Variants in ZNF385D observed in about 807,000 individuals in gnomAD.
ZNF385D encodes the protein zinc finger protein 385D, also known as zinc finger protein 659.
ZNF385D carries 15 observed loss-of-function variants against 35.8 expected under a neutral mutation model. That is an observed-to-expected ratio of 0.42 (90% CI 0.28 to 0.64). The LOEUF (loss-of-function observed/expected upper bound fraction) is 0.64, where lower values mean the gene tolerates loss of function less well. Among genes scored for constraint, ZNF385D ranks in the 30% least tolerant of loss-of-function variants. The probability of loss-of-function intolerance (pLI) is 0.23; values close to 1 mark genes in which losing one functional copy is unlikely to be tolerated. For synonymous variants in ZNF385D, 212 were observed against 186.8 expected (o/e 1.13, Z -1.10); for missense variants, 474 against 494.6 (o/e 0.96, Z 0.39).
intron 3 of ZNF385D, among the ~76,000 whole-genome samples, chr3:22,071,222 A>C (rs1344484669): frequency 1.3e-5 from 2 of 152,168 alleles, no homozygotes; most frequent in Admixed American, 6.6e-5. Context: ...TTTGACATAC[A>C]AATAATATCC....
chr3:21,980,423 C>G (rs778538777), intron 3 of ZNF385D, among the ~76,000 whole-genome samples: 10 of 151,890 alleles, frequency 6.6e-5, no homozygotes, highest in Admixed American at 5.9e-4. Flanking sequence ...AATAATGCAA[C>G]GTAATAATGT....
At chr3:21,482,471 T>C (rs1462087340) in intron 4 of ZNF385D, among the ~76,000 whole-genome samples, 4 of 152,174 alleles carry the variant, frequency 2.6e-5, no homozygotes, top group African/African-American at 9.6e-5. Context: ...GAGGCAACCA[T>C]TCCCTAAGTC....
At chr3:21,582,922 C>T (rs2063709370) in intron 2 of ZNF385D, among the ~76,000 whole-genome samples, 1 of 152,076 alleles carries the variant, frequency 6.6e-6, no homozygotes, top group Non-Finnish European at 1.5e-5. Context: ...GGGTTATAGG[C>T]ACACACCACC....
intron 2 of ZNF385D, among the ~76,000 whole-genome samples, chr3:22,185,627 C>T (rs1695578401): frequency 1.3e-5 from 2 of 152,122 alleles, no homozygotes; most frequent in African/African-American, 4.8e-5. Context: ...GCCACCACAC[C>T]CAGCTAATTT....
At chr3:21,928,052 G>A (rs1299454153) in intron 3 of ZNF385D, among the ~76,000 whole-genome samples, 5 of 151,856 alleles carry the variant, frequency 3.3e-5, no homozygotes, top group Admixed American at 1.3e-4. Flanking sequence ...AGCAAGACTC[G>A]ATAAATATTA....
At chr3:22,047,450 T>C (rs778168014) in intron 3 of ZNF385D, among the ~76,000 whole-genome samples, 12 of 152,114 alleles carry the variant, frequency 7.9e-5, no homozygotes, top group Admixed American at 1.3e-4. Flanking sequence ...TTTCTGCTTC[T>C]GTGAGTTAAA....
intron 3 of ZNF385D, among the ~76,000 whole-genome samples, chr3:21,831,719 A>G (rs960286938): frequency 1.3e-5 from 2 of 152,194 alleles, no homozygotes; most frequent in African/African-American, 2.4e-5. Flanking sequence ...TCTATTGGAT[A>G]TAAACATTCA....
intron 3 of ZNF385D, among the ~76,000 whole-genome samples, chr3:21,829,334 A>G (rs62236487): frequency 0.2 from 30,270 of 152,058 alleles, 3,363 homozygotes; most frequent in Middle Eastern, 0.34. Flanking sequence ...AAATAATGAG[A>G]AGGAGGCAAA....
intron 4 of ZNF385D, chr3:21,443,084 G>A (rs372853229): frequency 2.1e-6 from 2 of 964,842 alleles, no homozygotes; most frequent in Non-Finnish European, 2.5e-6. Flanking sequence ...TGGTATAGCT[G>A]TAGAAAGTGC....
intron 3 of ZNF385D, among the ~76,000 whole-genome samples, chr3:21,869,811 T>A (rs1392804818): frequency 6.6e-6 from 1 of 152,106 alleles, no homozygotes; most frequent in African/African-American, 2.4e-5. Context: ...TAAGATAGCA[T>A]TTAAATAAGC....
chr3:22,336,229 C>T (rs1012118099), intron 2 of ZNF385D, among the ~76,000 whole-genome samples: 1 of 151,962 alleles, frequency 6.6e-6, no homozygotes, highest in African/African-American at 2.4e-5. Context: ...TAAACAAAGC[C>T]GCATTCCATT....
intron 2 of ZNF385D, among the ~76,000 whole-genome samples, chr3:22,257,664 A>T (rs1372875616): frequency 6.6e-6 from 1 of 151,860 alleles, no homozygotes; most frequent in African/African-American, 2.4e-5. Context: ...AGGATGTGAG[A>T]ATGGTGTGTT....
In ZNF385D at chr3:22,093,306, G is replaced by C. The variant is rs746073141; in HGVS notation, c.325+75511C>G. Reference sequence around the variant, plus strand: ...GAAGGTATAGGCTTTTAATATATGCGCATTGACCTAGACATTTAACTACAT... The same window carrying C: ...GAAGGTATAGGCTTTTAATATATGCCCATTGACCTAGACATTTAACTACAT... On this transcript the variant is annotated intron_variant, in intron 3 of 5. Coordinates refer to the ZNF385D transcript ENST00000494108. 2.0e-5 allele frequency among the ~76,000 whole-genome samples: 3 copies of C among 151,530 alleles called. No homozygotes were observed. The South Asian group carries it at 6.3e-4, about 32-fold the overall frequency.
intron 3 of ZNF385D, among the ~76,000 whole-genome samples, chr3:21,864,591 G>T (rs1195501753): frequency 6.6e-6 from 1 of 152,030 alleles, no homozygotes; most frequent in Non-Finnish European, 1.5e-5. Flanking sequence ...TTGACTAAAT[G>T]ACAGTGTTTT....
At chr3:22,105,064 T>A (rs1391230408) in intron 3 of ZNF385D, among the ~76,000 whole-genome samples, 1 of 152,136 alleles carries the variant, frequency 6.6e-6, no homozygotes, top group Non-Finnish European at 1.5e-5. Context: ...TTTTAAAATG[T>A]AGTATTTTTT....
Position 21,412,737 on chromosome 3 carries a change from GA to G in ZNF385D, c.*8476del, listed in dbSNP as rs1700509611. The G allele has an allele frequency of 6.6e-6, 1 of 151,968 alleles. No individual in the cohort carries two copies. The highest frequency in any genetic ancestry group is 1.5e-5 in the Non-Finnish European group (1 of 67,944). 9.4% of individuals were successfully genotyped at this position (151,968 alleles called of 1,614,324 possible). A position where few individuals can be genotyped will look rare whatever the true frequency, so the allele number is the denominator to read the frequency against. On this transcript the variant is annotated 3_prime_UTR_variant, in exon 8 of 8. Coordinates refer to ENST00000281523, the MANE Select transcript of ZNF385D (RefSeq NM_024697.3). ...CTGGTGTCTTTCTTTTACTAAAACT[GA>G]AAATTCATCTTAAAGAATTCCTAAT...
chr3:22,098,554 C>A (rs1010326121), intron 3 of ZNF385D, among the ~76,000 whole-genome samples: 14 of 152,000 alleles, frequency 9.2e-5, no homozygotes, highest in Non-Finnish European at 1.9e-4. Flanking sequence ...GTCATTTTAA[C>A]AACAGCAAGT....
intron 2 of ZNF385D, among the ~76,000 whole-genome samples, chr3:22,179,293 T>C (rs1005607042): frequency 6.6e-6 from 1 of 152,174 alleles, no homozygotes; most frequent in African/African-American, 2.4e-5. Flanking sequence ...CTTGAAGAGG[T>C]CCTTCACATC....
intron 3 of ZNF385D, among the ~76,000 whole-genome samples, chr3:21,899,186 G>A (rs74939131): frequency 1.6e-4 from 25 of 151,994 alleles, no homozygotes; most frequent in African/African-American, 2.9e-4. Flanking sequence ...GTTACTGTAC[G>A]TGCTACAATG....
Sources: gnomAD v4.1 joint callset for allele counts (sites outside exome capture counted in the v4.1 genomes callset) on GRCh38, gnomAD v4.1.1 for gene constraint, MANE v1.5 for transcripts, NCBI Gene and HGNC (gene_info 2026-07-23, HGNC 2026-07-21) for gene names.